SLC35F3: variants seen among roughly 807,000 people sequenced by gnomAD.
SLC35F3 encodes putative thiamine transporter SLC35F3.
SLC35F3 carries 25 observed loss-of-function variants against 49.9 expected under a neutral mutation model. The observed-to-expected ratio is 0.50, with a 90% CI of 0.37 to 0.70. The LOEUF (loss-of-function observed/expected upper bound fraction) is 0.70, where lower values mean the gene tolerates loss of function less well. Among genes scored for constraint, SLC35F3 ranks in the 30% least tolerant of loss-of-function variants. The pLI is 0.00. For missense variants in SLC35F3, 525 were observed against 639.8 expected (o/e 0.82, Z 1.94); for synonymous variants, 275 against 265.4 (o/e 1.04, Z -0.35).
chr1:234,079,474 A>G (rs1664843178), intron 2 of SLC35F3, among the ~76,000 whole-genome samples: 1 of 152,244 alleles, frequency 6.6e-6, no homozygotes, highest in South Asian at 2.1e-4. Context: ...GACAACCTAC[A>G]GAAAGGCACA....
chr1:234,063,092 G>T (rs1052265904), intron 2 of SLC35F3, among the ~76,000 whole-genome samples: 1 of 151,908 alleles, frequency 6.6e-6, no homozygotes, highest in African/African-American at 2.4e-5. Flanking sequence ...GCACCATCAG[G>T]GTCCTAGGAT....
In SLC35F3 at chr1:234,145,615, CT is replaced by C. The variant is rs112085526; in HGVS notation, c.284-85794del. ...TGTCTCTATATTGAACCTGTATAGA[CT>C]TTTTTTTCTTGTCATTATTCCCTAA... On this transcript the variant is annotated intron_variant, in intron 2 of 7. Transcript: ENST00000366618. 1.3e-3 allele frequency among the ~76,000 whole-genome samples: 205 copies of C among 152,042 alleles called. 2 individuals carry two copies. The highest frequency in any genetic ancestry group is 3.6e-3 in the Admixed American group (55 of 15,266).
chr1:234,190,968 G>A (rs1394408759), intron 2 of SLC35F3, among the ~76,000 whole-genome samples: 1 of 152,126 alleles, frequency 6.6e-6, no homozygotes, highest in Non-Finnish European at 1.5e-5. Context: ...AAAAGAAAAG[G>A]GCTCCCTGCT....
At chr1:234,177,688 A>T (rs1233105737) in intron 2 of SLC35F3, among the ~76,000 whole-genome samples, 4 of 152,208 alleles carry the variant, frequency 2.6e-5, no homozygotes, top group Non-Finnish European at 5.9e-5. Context: ...GGTAGAAGTT[A>T]GGAAGCAGAG....
chr1:234,124,990 T>C (rs1665626382), intron 2 of SLC35F3, among the ~76,000 whole-genome samples: 1 of 152,232 alleles, frequency 6.6e-6, no homozygotes, highest in Non-Finnish European at 1.5e-5. Flanking sequence ...AGTGATCATC[T>C]GGTGATCTTC....
intron 2 of SLC35F3, among the ~76,000 whole-genome samples, chr1:234,168,142 C>A (rs1490183564): frequency 1.3e-5 from 2 of 152,206 alleles, no homozygotes; most frequent in Non-Finnish European, 2.9e-5. Context: ...TCTAAAGTGG[C>A]AAGCTGTGCT....
At chr1:233,958,155 C>G (rs1331695401) in intron 2 of SLC35F3, among the ~76,000 whole-genome samples, 2 of 152,178 alleles carry the variant, frequency 1.3e-5, no homozygotes, top group East Asian at 3.8e-4. Flanking sequence ...TGAGGACTCT[C>G]TTCTATTTTA....
At chr1:234,307,137 C>T (rs1428199846) in intron 3 of SLC35F3, among the ~76,000 whole-genome samples, 1 of 152,126 alleles carries the variant, frequency 6.6e-6, no homozygotes, top group African/African-American at 2.4e-5. Flanking sequence ...GGGAAAACCC[C>T]ATAGAAAATG....
chr1:234,026,570 T>G (rs1264430878), intron 2 of SLC35F3, among the ~76,000 whole-genome samples: 1 of 152,138 alleles, frequency 6.6e-6, no homozygotes, highest in Non-Finnish European at 1.5e-5. Flanking sequence ...GAATAGGGGC[T>G]TTGAAAAATA....
intron 2 of SLC35F3, among the ~76,000 whole-genome samples, chr1:234,142,326 C>G (rs372571113): frequency 1.3e-5 from 2 of 152,156 alleles, no homozygotes; most frequent in African/African-American, 4.8e-5. Flanking sequence ...ACTCTTTGCA[C>G]TAAAGGTTGG....
At chr1:234,309,626 T>C (rs1255187021) in intron 4 of SLC35F3, among the ~76,000 whole-genome samples, 1 of 152,250 alleles carries the variant, frequency 6.6e-6, no homozygotes, top group Non-Finnish European at 1.5e-5. Flanking sequence ...TGTGCTCCGC[T>C]CTCTGCGTGC....
intron 2 of SLC35F3, among the ~76,000 whole-genome samples, chr1:234,128,200 G>A (rs749182051): frequency 6.6e-6 from 1 of 152,166 alleles, no homozygotes; most frequent in Non-Finnish European, 1.5e-5. Flanking sequence ...GAAGCGAGAA[G>A]GTCCAAGACA....
intron 2 of SLC35F3, among the ~76,000 whole-genome samples, chr1:234,056,117 A>G (rs1038583241): frequency 6.6e-6 from 1 of 151,794 alleles, no homozygotes; most frequent in Non-Finnish European, 1.5e-5. Flanking sequence ...ACTTTTGTTT[A>G]TGGTTTCTTA....
intron 2 of SLC35F3, among the ~76,000 whole-genome samples, chr1:234,165,623 C>T (rs1286520009): frequency 6.6e-6 from 1 of 152,122 alleles, no homozygotes; most frequent in African/African-American, 2.4e-5. Context: ...TGGGCTCAAG[C>T]CATCCTCCCA....
At position 234,214,381 on chromosome 1, in the gene SLC35F3, G is replaced by T; in HGVS notation, c.284-17036G>T. The stretch of plus-strand genomic sequence containing the variant: ...AGGCCGGGACTGAGAGGGGCGAGCC[G>T]CTGGTGCTCCCCGGCGGCAGAGGGC... On this transcript the variant is annotated intron_variant, in intron 2 of 7. Transcript: ENST00000366618. The surrounding 1 kb of genome is among the most constrained non-coding windows in gnomAD (Gnocchi z 8.0). 7.4e-7 allele frequency: 1 copy of T among 1,360,338 alleles called. No homozygotes were observed. The highest frequency in any genetic ancestry group is 1.8e-5 in the South Asian group (1 of 54,558). 84.3% of individuals were successfully genotyped at this position (1,360,338 alleles called of 1,614,324 possible).
chr1:234,057,016 T>A (rs986567731), intron 2 of SLC35F3, among the ~76,000 whole-genome samples: 9 of 152,254 alleles, frequency 5.9e-5, no homozygotes, highest in South Asian at 2.1e-4. Context: ...TTTCTTGATC[T>A]ACATATCTGT....
Position 234,108,569 on chromosome 1 carries a change from T to TATAAAAGA in SLC35F3, c.284-122848_284-122847insATAAAAGA, listed in dbSNP as rs1335686898. Among the ~76,000 whole-genome samples, 48 of 109,090 alleles carry TATAAAAGA rather than the reference T, an allele frequency of 4.4e-4. 1 individual carries two copies. In the East Asian group the frequency reaches 8.5e-3, roughly 19 times the overall value. 71.6% of individuals were successfully genotyped at this position (109,090 alleles called of 152,430 possible). A position where few individuals can be genotyped will look rare whatever the true frequency, so the allele number is the denominator to read the frequency against. On this transcript the variant is annotated intron_variant, in intron 2 of 7. Coordinates refer to ENST00000366618, the MANE Select transcript of SLC35F3 (RefSeq NM_173508.4). Reference sequence around the variant, plus strand: ...ATTATTTATATATAAAAGATATATATTATTTATATATATAAAAGATATACA... The same window carrying TATAAAAGA: ...ATTATTTATATATAAAAGATATATATATAAAAGATATTTATATATATAAAAGATATACA...
intron 4 of SLC35F3, among the ~76,000 whole-genome samples, chr1:234,314,315 C>A (rs1291332381): frequency 6.6e-6 from 1 of 152,182 alleles, no homozygotes; most frequent in East Asian, 1.9e-4. Context: ...CAGGCAGAAG[C>A]TTTTAGCTGT....
Position 233,997,515 on chromosome 1 carries a change from A to G in SLC35F3, c.283+91757A>G, listed in dbSNP as rs571222347. Among the ~76,000 whole-genome samples, 25 of 152,258 alleles carry G rather than the reference A, an allele frequency of 1.6e-4. 1 individual carries two copies. The South Asian group carries it at 4.4e-3, about 27-fold the overall frequency. ...GATGAGTGAGGCTGAGCACCTTTGC[A>G]TATACCTGTTGGTCATTTGTATGTC... On this transcript the variant is annotated intron_variant, in intron 2 of 7. Coordinates refer to ENST00000366618, the MANE Select transcript of SLC35F3 (RefSeq NM_173508.4).
Sources: gnomAD v4.1 joint callset for allele counts (sites outside exome capture counted in the v4.1 genomes callset) on GRCh38, gnomAD v4.1.1 for gene constraint, Gnocchi (gnomAD v3.1) non-coding constraint, MANE v1.5 for transcripts, NCBI Gene and HGNC (gene_info 2026-07-23, HGNC 2026-07-21) for gene names.